Variants in RBFOX1 observed in about 807,000 individuals in gnomAD.
RBFOX1 encodes RNA binding protein fox-1 homolog 1.
RBFOX1 carries 8 observed loss-of-function variants against 57.7 expected under a neutral mutation model. The observed-to-expected ratio is 0.14, with a 90% CI of 0.08 to 0.25. RBFOX1 has a LOEUF of 0.25. Among genes scored for constraint, RBFOX1 ranks in the 10% least tolerant of loss-of-function variants. RBFOX1 has a pLI of 1.00. For synonymous variants in RBFOX1, 326 were observed against 222.4 expected (o/e 1.47, Z -4.15); for missense variants, 611 against 548.5 (o/e 1.11, Z -1.14).
At chr16:6,788,355 G>A (rs1414227043) in intron 3 of RBFOX1, among the ~76,000 whole-genome samples, 1 of 152,128 alleles carries the variant, frequency 6.6e-6, no homozygotes, top group East Asian at 1.9e-4. Context: ...AAGCTGGTGA[G>A]GCATGTAACT....
intron 3 of RBFOX1, among the ~76,000 whole-genome samples, chr16:5,834,722 GATACATAGATACATACATACATAC>G (rs1201476179): frequency 4.5e-5 from 6 of 133,722 alleles, no homozygotes; most frequent in African/African-American, 1.8e-4. Flanking sequence ...TAGATACATA[GATACATAGATACATACATACATAC>G]ATACATACAT....
rs565374343 is a variant in RBFOX1, at chr16:6,523,947, C to T, written c.-63-130656C>T. Among the ~76,000 whole-genome samples, 99 of 152,270 alleles carry T rather than the reference C, an allele frequency of 6.5e-4. 1 individual carries two copies. Among genetic ancestry groups the T allele is most frequent in the African/African-American group, 2.3e-3 (95 of 41,572 alleles). On this transcript the variant is annotated intron_variant, in intron 2 of 15. Transcript: ENST00000550418. ...TGATACAGGGATACAATGTGTAATA[C>T]ACACATCATGGAGAATGGGGTCTTC...
intron 1 of RBFOX1, among the ~76,000 whole-genome samples, chr16:6,063,132 A>G (rs1218617126): frequency 6.6e-6 from 1 of 152,128 alleles, no homozygotes; most frequent in South Asian, 2.1e-4. Flanking sequence ...GGACACCACC[A>G]CCTAGACTAG....
intron 1 of RBFOX1, among the ~76,000 whole-genome samples, chr16:5,349,321 C>T (rs1415421520): frequency 1.3e-5 from 2 of 152,170 alleles, no homozygotes; most frequent in African/African-American, 2.4e-5. Flanking sequence ...ATGCAAGATG[C>T]ATATGTTGTA....
rs116676413 is a variant in RBFOX1 at position 6,864,113 on chromosome 16, G to A, written c.-15-187944G>A. On this transcript the variant is annotated intron_variant, in intron 3 of 15. Coordinates refer to ENST00000550418, the MANE Select transcript of RBFOX1 (RefSeq NM_018723.4). Reference sequence around the variant, plus strand: ...AAAAATAAAAGTGACAAAGAAGAAAGCGAAGGAGTCTCTTTAGCAGGAAGA... The same window carrying A: ...AAAAATAAAAGTGACAAAGAAGAAAACGAAGGAGTCTCTTTAGCAGGAAGA... 4.9e-3 allele frequency among the ~76,000 whole-genome samples: 735 copies of A among 151,376 alleles called. 7 individuals carry two copies. The highest frequency in any genetic ancestry group is 0.017 in the African/African-American group (687 of 41,212).
intron 4 of RBFOX1, chr16:7,328,530 G>C (rs2096643518): frequency 6.8e-6 from 1 of 147,948 alleles, no homozygotes; most frequent in Non-Finnish European, 1.5e-5. Flanking sequence ...TGCAGTATCT[G>C]ACAGCCAGAG....
intron 4 of RBFOX1, among the ~76,000 whole-genome samples, chr16:7,095,864 T>A (rs896501080): frequency 1.2e-4 from 18 of 151,756 alleles, no homozygotes; most frequent in African/African-American, 3.6e-4. Flanking sequence ...TACAAAAAAA[T>A]TAGCCAGGCG....
At chr16:7,404,710 A>G (rs1322922419) in intron 4 of RBFOX1, among the ~76,000 whole-genome samples, 1 of 144,480 alleles carries the variant, frequency 6.9e-6, no homozygotes, top group East Asian at 2.0e-4. Flanking sequence ...CAGAAAAAAC[A>G]AACAAACAAA....
intron 4 of RBFOX1, among the ~76,000 whole-genome samples, chr16:7,214,518 C>T (rs562743648): frequency 3.8e-4 from 58 of 152,092 alleles, no homozygotes; most frequent in African/African-American, 1.1e-3. Flanking sequence ...CAAACCTCAT[C>T]CGTCTCTCAG....
chr16:5,573,092 G>A lies in RBFOX1; in HGVS notation c.259-25810G>A, dbSNP rs538260024. 7.9e-5 allele frequency among the ~76,000 whole-genome samples: 12 copies of A among 152,266 alleles called. No individual in the cohort carries two copies. The South Asian group carries it at 2.1e-3, about 26-fold the overall frequency. On this transcript the variant is annotated intron_variant, in intron 2 of 2. Coordinates refer to the RBFOX1 transcript ENST00000585867. ...TGTCGTAATGATGGTGCCCTGGATCGGATGGTGGGATGGAGATGACGAGAA... is the reference window on the plus strand; with the variant it reads ...TGTCGTAATGATGGTGCCCTGGATCAGATGGTGGGATGGAGATGACGAGAA...
chr16:5,542,163 T>C (rs1317445623), intron 2 of RBFOX1, among the ~76,000 whole-genome samples: 1 of 152,136 alleles, frequency 6.6e-6, no homozygotes, highest in Admixed American at 6.6e-5. Context: ...TAATCGACTC[T>C]GTATAGCTTA....
At chr16:6,756,433 A>C (rs1190378786) in intron 3 of RBFOX1, among the ~76,000 whole-genome samples, 1 of 152,214 alleles carries the variant, frequency 6.6e-6, no homozygotes, top group East Asian at 1.9e-4. Flanking sequence ...AAGACTTCAA[A>C]GGCATAGGCA....
chr16:6,371,368 T>G (rs2090413289), intron 2 of RBFOX1, among the ~76,000 whole-genome samples: 1 of 152,216 alleles, frequency 6.6e-6, no homozygotes, highest in South Asian at 2.1e-4. Flanking sequence ...TTCCTATATA[T>G]ATACATTTAA....
At chr16:6,608,439 C>T (rs1470072827) in intron 2 of RBFOX1, among the ~76,000 whole-genome samples, 1 of 152,158 alleles carries the variant, frequency 6.6e-6, no homozygotes, top group African/African-American at 2.4e-5. Flanking sequence ...ACAGTTTTCA[C>T]CCTTATTCGT....
intron 3 of RBFOX1, among the ~76,000 whole-genome samples, chr16:6,952,497 G>A (rs1170954632): frequency 1.3e-5 from 2 of 151,734 alleles, no homozygotes; most frequent in East Asian, 2.0e-4. Context: ...AAATTAGCAG[G>A]TGTGGTCATG....
At chr16:5,756,463 CAT>C in intron 3 of RBFOX1, among the ~76,000 whole-genome samples, 1 of 152,258 alleles carries the variant, frequency 6.6e-6, no homozygotes, top group Non-Finnish European at 1.5e-5. Context: ...GAGTTTGTCA[CAT>C]CTCCCAAATG....
chr16:5,924,438 A>T (rs898715549), intron 4 of RBFOX1, among the ~76,000 whole-genome samples: 1 of 152,142 alleles, frequency 6.6e-6, no homozygotes, highest in Admixed American at 6.5e-5. Context: ...TGGCAGGGGA[A>T]TGCGATTGGT....
chr16:6,883,874 A>T (rs2063438876), intron 3 of RBFOX1, among the ~76,000 whole-genome samples: 1 of 151,992 alleles, frequency 6.6e-6, no homozygotes, highest in South Asian at 2.1e-4. Context: ...AAAATGTTAA[A>T]TGTTTTTAAT....
intron 3 of RBFOX1, among the ~76,000 whole-genome samples, chr16:5,820,873 TCTCTC>T (rs2055825164): frequency 6.6e-6 from 1 of 152,112 alleles, no homozygotes; most frequent in African/African-American, 2.4e-5. Flanking sequence ...CGGGAAGTCT[TCTCTC>T]CTCTCTGATT....
Sources: gnomAD v4.1 joint callset for allele counts (sites outside exome capture counted in the v4.1 genomes callset) on GRCh38, gnomAD v4.1.1 for gene constraint, MANE v1.5 for transcripts, NCBI Gene and HGNC (gene_info 2026-07-23, HGNC 2026-07-21) for gene names.